PLXNA4: variants seen among roughly 807,000 people sequenced by gnomAD.
The protein encoded by PLXNA4 is plexin A4, also known as plexin-A4.
A neutral mutation model predicts 191.8 loss-of-function variants in PLXNA4; 44 were observed. The observed-to-expected ratio is 0.23, with a 90% CI of 0.18 to 0.29. PLXNA4 has a LOEUF of 0.29. PLXNA4 is among the 10% of genes least tolerant of loss of function. PLXNA4 has a pLI of 1.00. For synonymous variants in PLXNA4, 1,082 were observed against 1,009.5 expected, an observed-to-expected ratio of 1.07 and a Z score of -1.36; for missense variants, 1,800 against 2,488.8, an observed-to-expected ratio of 0.72 and a Z score of 5.89.
At chr7:132,597,476 C>T (rs555563215) in intron 2 of PLXNA4, among the ~76,000 whole-genome samples, 1 of 152,270 alleles carries the variant, frequency 6.6e-6, no homozygotes, top group South Asian at 2.1e-4. Context: ...TTAATCATCT[C>T]TTTTTTTCTT....
chr7:132,172,938 C>T (rs1476880189), intron 21 of PLXNA4, among the ~76,000 whole-genome samples: 2 of 152,174 alleles, frequency 1.3e-5, no homozygotes, highest in South Asian at 2.1e-4. Flanking sequence ...CATAATTTCC[C>T]GTCCTACAAC....
intron 3 of PLXNA4, among the ~76,000 whole-genome samples, chr7:132,390,937 T>C (rs918895813): frequency 1.3e-5 from 2 of 152,192 alleles, no homozygotes; most frequent in African/African-American, 4.8e-5. Context: ...CAAAAGCCGG[T>C]AAGCAGAGAA....
chr7:132,437,288 G>A (rs758957272), intron 3 of PLXNA4, among the ~76,000 whole-genome samples: 3 of 152,154 alleles, frequency 2.0e-5, no homozygotes, highest in Non-Finnish European at 4.4e-5. Flanking sequence ...AAAAGTCCAG[G>A]CCTGTGCCAG....
chr7:132,304,801 C>A (rs947528947), intron 3 of PLXNA4, among the ~76,000 whole-genome samples: 3 of 152,110 alleles, frequency 2.0e-5, no homozygotes, highest in Admixed American at 6.5e-5. Flanking sequence ...TCCCTCCCCC[C>A]TGTCCTCTGC....
In PLXNA4 at chr7:132,278,036, T is replaced by C. The variant is rs570398358; in HGVS notation, c.1503+20055A>G. Among the ~76,000 whole-genome samples the C allele has an allele frequency of 4.6e-5, 7 of 152,346 alleles. No homozygotes were observed. The South Asian group carries it at 1.2e-3, about 27-fold the overall frequency. ...ATTGAGTTAAAATGATGTCAATTAA[T>C]AATAAGTGTACCTCACTTTTTAAAA... On this transcript the variant is annotated intron_variant, in intron 4 of 31. Transcript: ENST00000321063.
At chr7:132,445,863 T>C (rs919174396) in intron 3 of PLXNA4, among the ~76,000 whole-genome samples, 1 of 152,142 alleles carries the variant, frequency 6.6e-6, no homozygotes, top group African/African-American at 2.4e-5. Flanking sequence ...TTCCAGCTCC[T>C]CACACAGCCT....
At chr7:132,553,544 C>T (rs1260458609) in intron 1 of PLXNA4, among the ~76,000 whole-genome samples, 1 of 152,134 alleles carries the variant, frequency 6.6e-6, no homozygotes, top group African/African-American at 2.4e-5. Context: ...CACATAGGAC[C>T]TTCCCATCTG....
chr7:132,590,506 C>G lies in PLXNA4; in HGVS notation c.-87+55422G>C, dbSNP rs114854512. ...TGAAGTAGGGAAGCCGACAGTGCAG[C>G]CTCCAGTCTGTGGTGAAAGGTCTGA... On this transcript the variant is annotated intron_variant, in intron 2 of 4. Coordinates refer to the PLXNA4 transcript ENST00000378539. Among the ~76,000 whole-genome samples the G allele has an allele frequency of 4.6e-3, 695 of 152,308 alleles. 8 individuals are homozygous for G. The highest frequency in any genetic ancestry group is 0.015 in the African/African-American group (631 of 41,570).
At chr7:132,583,072 G>A (rs1479970637) in intron 2 of PLXNA4, among the ~76,000 whole-genome samples, 1 of 152,216 alleles carries the variant, frequency 6.6e-6, no homozygotes, top group African/African-American at 2.4e-5. Flanking sequence ...ACTCACTTAA[G>A]ATGGGCCATC....
intron 3 of PLXNA4, among the ~76,000 whole-genome samples, chr7:132,390,975 G>C (rs1158821579): frequency 6.6e-6 from 1 of 152,184 alleles, no homozygotes; most frequent in Non-Finnish European, 1.5e-5. Flanking sequence ...AACGCAGAGG[G>C]CAAACTCTAG....
At chr7:132,268,746 C>G (rs941114016) in intron 4 of PLXNA4, among the ~76,000 whole-genome samples, 4 of 152,166 alleles carry the variant, frequency 2.6e-5, no homozygotes, top group African/African-American at 9.7e-5. Flanking sequence ...AGATCTCAGC[C>G]CCCTTTTCTT....
At chr7:132,575,409 G>T (rs1173556802) in intron 1 of PLXNA4, among the ~76,000 whole-genome samples, 1 of 152,184 alleles carries the variant, frequency 6.6e-6, no homozygotes, top group Non-Finnish European at 1.5e-5. Context: ...TCTCCGGTGG[G>T]CAGTGCCGCC....
chr7:132,287,621 CT>C (rs766254553), intron 4 of PLXNA4, among the ~76,000 whole-genome samples: 17 of 152,174 alleles, frequency 1.1e-4, no homozygotes, highest in Non-Finnish European at 2.2e-4. Context: ...CCCCCATGGT[CT>C]GTCTGAGAGA....
chr7:132,388,191 G>C (rs967728598), intron 3 of PLXNA4, among the ~76,000 whole-genome samples: 2 of 152,086 alleles, frequency 1.3e-5, no homozygotes, highest in Admixed American at 6.5e-5. Context: ...CCAATCCCTG[G>C]TTCCCTTTTC....
Position 132,202,831 on chromosome 7 carries a change from G to T in PLXNA4, c.2401C>A (p.Leu801Ile). 10 of 1,581,260 alleles carry T rather than the reference G, an allele frequency of 6.3e-6. No individual in the cohort carries two copies. Among genetic ancestry groups the T allele is most frequent in the Non-Finnish European group, 8.6e-6 (10 of 1,163,478 alleles). ...TCACGCATGGCTCCACACTTGTAGA[G>T]GTGAACTGCAGAGGGGAAGGGCAAG... ...IDNPAQNKVH[L>I]YKCGAMRESC... Residue 801 changes from leucine (L) to isoleucine (I), a missense_variant, in exon 12 of 32, where the codon CTC (leucine) becomes ATC (isoleucine). Around this residue, in one of 6 missense-constraint regions of PLXNA4, gnomAD observed 1,397 missense variants for 1,880.4 expected, o/e 0.74. Transcript: ENST00000321063.
At chr7:132,495,065 G>A (rs1797955732) in intron 2 of PLXNA4, among the ~76,000 whole-genome samples, 1 of 152,186 alleles carries the variant, frequency 6.6e-6, no homozygotes, top group African/African-American at 2.4e-5. Context: ...CACTCTGACA[G>A]CCACATCAAT....
At chr7:132,621,631 C>G (rs1324176404) in intron 2 of PLXNA4, among the ~76,000 whole-genome samples, 1 of 152,092 alleles carries the variant, frequency 6.6e-6, no homozygotes, top group Non-Finnish European at 1.5e-5. Context: ...GCAAGTGTTA[C>G]TCTAGGAAAA....
chr7:132,453,037 C>A (rs188271090), intron 3 of PLXNA4, among the ~76,000 whole-genome samples: 9 of 152,198 alleles, frequency 5.9e-5, no homozygotes, highest in Admixed American at 2.6e-4. Flanking sequence ...TAGGGAGCCA[C>A]GCACCACGTT....
At chr7:132,489,244 G>A (rs1797684078) in intron 3 of PLXNA4, 48 bp downstream of exon 3, 5 of 1,533,490 alleles carry the variant, frequency 3.3e-6, no homozygotes, top group Non-Finnish European at 3.6e-6. Flanking sequence ...AGCCCAGGAG[G>A]GACAGACTGT....
Sources: gnomAD v4.1 joint callset for allele counts (sites outside exome capture counted in the v4.1 genomes callset) on GRCh38, gnomAD v4.1.1 for gene constraint, gnomAD v4.1.1 regional missense constraint, MANE v1.5 for transcripts, NCBI Gene and HGNC (gene_info 2026-07-23, HGNC 2026-07-21) for gene names.